The following AGBL4 variants were observed in gnomAD, a reference collection of about 807,000 sequenced individuals.
The protein encoded by AGBL4 is AGBL carboxypeptidase 4.
In AGBL4, 58 loss-of-function variants were observed where a neutral mutation model predicts 66.4. That is an observed-to-expected ratio of 0.87 (90% CI 0.71 to 1.09). AGBL4 has a LOEUF of 1.09. AGBL4 is among the 50% of genes least tolerant of loss of function. The probability of loss-of-function intolerance (pLI) is 0.00; values close to 1 mark genes in which losing one functional copy is unlikely to be tolerated. For synonymous variants in AGBL4, 234 were observed against 222.9 expected (o/e 1.05, Z -0.44); for missense variants, 579 against 631.0 (o/e 0.92, Z 0.88).
chr1:49,080,479 T>A (rs1289229393), intron 4 of AGBL4, among the ~76,000 whole-genome samples: 1 of 152,016 alleles, frequency 6.6e-6, no homozygotes, highest in Non-Finnish European at 1.5e-5. Flanking sequence ...AATGAAGAAA[T>A]GAATACCCCA....
chr1:49,247,171 C>A (rs1471301916), intron 3 of AGBL4, among the ~76,000 whole-genome samples: 2 of 151,900 alleles, frequency 1.3e-5, no homozygotes, highest in Non-Finnish European at 2.9e-5. Context: ...AATTCCATAA[C>A]CCTAAACAAG....
At chr1:49,835,012 C>T (rs1293087868) in intron 2 of AGBL4, among the ~76,000 whole-genome samples, 3 of 152,010 alleles carry the variant, frequency 2.0e-5, no homozygotes, top group East Asian at 1.9e-4. Flanking sequence ...AATTTTATAA[C>T]AAGTGTGATA....
intron 9 of AGBL4, among the ~76,000 whole-genome samples, chr1:48,620,007 A>T (rs1350095639): frequency 6.6e-6 from 1 of 152,088 alleles, no homozygotes; most frequent in Non-Finnish European, 1.5e-5. Flanking sequence ...CAAAACACAC[A>T]TGCACACATA....
chr1:49,282,879 G>A (rs1052824246), intron 3 of AGBL4, among the ~76,000 whole-genome samples: 4 of 152,114 alleles, frequency 2.6e-5, no homozygotes, highest in Admixed American at 6.5e-5. Context: ...TAGGCCCATG[G>A]AGTCTCGCTG....
intron 3 of AGBL4, among the ~76,000 whole-genome samples, chr1:49,330,075 G>T (rs1645302980): frequency 6.6e-6 from 1 of 152,190 alleles, no homozygotes; most frequent in Admixed American, 6.5e-5. Context: ...TATACTCATT[G>T]TGATATTTCC....
At chr1:49,188,111 G>GT (rs1647048044) in intron 4 of AGBL4, among the ~76,000 whole-genome samples, 1 of 152,116 alleles carries the variant, frequency 6.6e-6, no homozygotes, top group African/African-American at 2.4e-5. Context: ...ATGTAGAACT[G>GT]TAAGTCCATT....
intron 6 of AGBL4, among the ~76,000 whole-genome samples, chr1:48,731,395 T>G (rs1648104426): frequency 6.6e-6 from 1 of 152,172 alleles, no homozygotes; most frequent in African/African-American, 2.4e-5. Flanking sequence ...GCAAGTTAAT[T>G]TCCTTCTCAT....
At chr1:49,921,980 A>C (rs1652304313) in intron 1 of AGBL4, among the ~76,000 whole-genome samples, 2 of 152,222 alleles carry the variant, frequency 1.3e-5, no homozygotes, top group African/African-American at 4.8e-5. Flanking sequence ...CAATCCAATC[A>C]CATTGACACC....
intron 4 of AGBL4, among the ~76,000 whole-genome samples, chr1:49,098,497 C>T (rs543166981): frequency 1.6e-4 from 24 of 152,286 alleles, no homozygotes; most frequent in African/African-American, 5.3e-4. Flanking sequence ...GAGTAACATC[C>T]ATCATCTCTA....
chr1:50,016,862 C>T (rs956992735), intron 1 of AGBL4, among the ~76,000 whole-genome samples: 4 of 152,156 alleles, frequency 2.6e-5, no homozygotes, highest in African/African-American at 9.7e-5. Context: ...ATTAGTTCAG[C>T]TGCTGTAGAA....
rs138000072 is a variant in AGBL4 at position 49,150,550 on chromosome 1, T to C, written c.377+95220A>G. ...TGTACTTTTCACTACTTTCAAAATT[T>C]GCTACAATAAAATGTACTATTTTCA... On this transcript the variant is annotated intron_variant, in intron 4 of 13. Transcript: ENST00000371839. Among the ~76,000 whole-genome samples, 13 of 152,324 alleles carry C rather than the reference T, an allele frequency of 8.5e-5. No homozygotes were observed. The East Asian group carries it at 2.5e-3, about 29-fold the overall frequency.
At chr1:49,203,699 G>T (rs1647902455) in intron 4 of AGBL4, among the ~76,000 whole-genome samples, 1 of 152,188 alleles carries the variant, frequency 6.6e-6, no homozygotes, top group South Asian at 2.1e-4. Flanking sequence ...AGCTACTCAG[G>T]AGGTTGAGTT....
chr1:49,232,244 A>G (rs1181378588), intron 4 of AGBL4, among the ~76,000 whole-genome samples: 3 of 152,196 alleles, frequency 2.0e-5, no homozygotes, highest in Admixed American at 6.5e-5. Context: ...TATCTTGATA[A>G]AGCCTTTATG....
At position 48,918,360 on chromosome 1, in the gene AGBL4, C is replaced by T. The variant is rs1570997960; in HGVS notation, c.595-51130G>A. ...ATGTTGAGATTTGATAGGATGATGT[C>T]AGTGACCTTTCTGCTTTGTGGACCA... On this transcript the variant is annotated intron_variant, in intron 5 of 13. Transcript: ENST00000371839. 2.0e-5 allele frequency among the ~76,000 whole-genome samples: 3 copies of T among 152,346 alleles called. 1 individual carries two copies. In the South Asian group the frequency reaches 6.2e-4, roughly 32 times the overall value.
At chr1:49,714,593 T>TATATATATATATACAC (rs1491300456) in intron 2 of AGBL4, among the ~76,000 whole-genome samples, 15 of 113,978 alleles carry the variant, frequency 1.3e-4, no homozygotes, top group African/African-American at 4.7e-4. Context: ...TATATATATA[T>TATATATATATATACAC]ACACACACAC....
At chr1:49,546,099 A>G (rs1348762234) in intron 3 of AGBL4, among the ~76,000 whole-genome samples, 1 of 151,910 alleles carries the variant, frequency 6.6e-6, no homozygotes, top group Non-Finnish European at 1.5e-5. Context: ...CTCATAGCTT[A>G]CCTCCCACAT....
intron 9 of AGBL4, among the ~76,000 whole-genome samples, chr1:48,616,329 G>A (rs1264668062): frequency 6.6e-6 from 1 of 152,146 alleles, no homozygotes; most frequent in Admixed American, 6.5e-5. Flanking sequence ...AACCAGAGAC[G>A]TTCAGAGCTC....
chr1:50,014,189 G>A (rs937698075), intron 1 of AGBL4, among the ~76,000 whole-genome samples: 2 of 151,852 alleles, frequency 1.3e-5, no homozygotes, highest in African/African-American at 2.4e-5. Context: ...TGGCCAACAC[G>A]GTGAAACCCT....
At chr1:48,680,234 A>G (rs1474038451) in intron 6 of AGBL4, among the ~76,000 whole-genome samples, 1 of 152,250 alleles carries the variant, frequency 6.6e-6, no homozygotes, top group Non-Finnish European at 1.5e-5. Flanking sequence ...ATTGAAGCAC[A>G]AAGTCGTTTC....
Sources: allele counts gnomAD v4.1 joint callset (sites outside exome capture counted in the v4.1 genomes callset), GRCh38; gene constraint gnomAD v4.1.1; transcripts MANE v1.5; gene names NCBI Gene and HGNC (gene_info 2026-07-23, HGNC 2026-07-21).